The following EYA1 variants were observed in gnomAD, a reference collection of about 807,000 sequenced individuals.
The protein encoded by EYA1 is EYA transcriptional coactivator and phosphatase 1, also known as protein phosphatase EYA1.
In EYA1, 16 loss-of-function variants were observed where a neutral mutation model predicts 82.0. That is an observed-to-expected ratio of 0.20 (90% CI 0.13 to 0.30). EYA1 has a LOEUF of 0.30. Among genes scored for constraint, EYA1 ranks in the 10% least tolerant of loss-of-function variants. The pLI is 1.00. For synonymous variants in EYA1, 261 were observed against 264.4 expected (o/e 0.99, Z 0.12); for missense variants, 633 against 730.7 (o/e 0.87, Z 1.54).
Position 71,269,956 on chromosome 8 carries a change from A to C in EYA1, c.967-133T>G, listed in dbSNP as rs116355446. The C allele has an allele frequency of 1.4e-3, 1,044 of 734,066 alleles. 13 individuals are homozygous for C. In the African/African-American group the frequency reaches 0.016, roughly 11 times the overall value. The allele number at this position is 734,066 out of a possible 1,614,324, so 45.5% of individuals were successfully genotyped here. On this transcript the variant is annotated intron_variant, in intron 10 of 17. Coordinates refer to ENST00000340726, the MANE Select transcript of EYA1 (RefSeq NM_000503.6). ...ATCTGAATTTATTATTTCAAAAAAA[A>C]CACAACTGTTTCAAAGAGTATCTCC...
chr8:71,244,136 G>A (rs746487555), intron 12 of EYA1, among the ~76,000 whole-genome samples: 35 of 152,192 alleles, frequency 2.3e-4, no homozygotes, highest in Non-Finnish European at 4.3e-4. Flanking sequence ...GACATAAGCA[G>A]TCCTGGCAAC....
intron 12 of EYA1, among the ~76,000 whole-genome samples, chr8:71,234,140 G>A (rs111758878): frequency 0.052 from 7,892 of 152,220 alleles, 646 homozygotes; most frequent in African/African-American, 0.18. Context: ...CCTGTGCTCC[G>A]GATTTCATTC....
At chr8:71,293,176 T>C (rs1819193529) in intron 9 of EYA1, among the ~76,000 whole-genome samples, 1 of 152,050 alleles carries the variant, frequency 6.6e-6, no homozygotes, top group African/African-American at 2.4e-5. Flanking sequence ...ATCCACAAAT[T>C]AGACAAAGTT....
chr8:71,489,433 T>C (rs900026986), intron 2 of EYA1, among the ~76,000 whole-genome samples: 4 of 152,194 alleles, frequency 2.6e-5, no homozygotes, highest in East Asian at 3.8e-4. Context: ...AATCAATAGA[T>C]AAAAATAAAT....
chr8:71,394,967 T>C (rs1401296746), intron 2 of EYA1, among the ~76,000 whole-genome samples: 2 of 152,188 alleles, frequency 1.3e-5, no homozygotes, highest in East Asian at 1.9e-4. Context: ...TTTTATTTCG[T>C]TGAGCAGTGG....
chr8:71,535,471 TTA>T (rs1342025092), intron 2 of EYA1, among the ~76,000 whole-genome samples: 1 of 152,218 alleles, frequency 6.6e-6, no homozygotes, highest in Non-Finnish European at 1.5e-5. Flanking sequence ...AAAAATTATC[TTA>T]TGCATATTGG....
chr8:71,328,017 G>A (rs891634655), intron 4 of EYA1, among the ~76,000 whole-genome samples: 12 of 151,742 alleles, frequency 7.9e-5, no homozygotes, highest in African/African-American at 2.7e-4. Context: ...CACCATGCCC[G>A]GCTAATTTTT....
chr8:71,219,808 T>A (rs558866316), intron 12 of EYA1, among the ~76,000 whole-genome samples: 1 of 152,328 alleles, frequency 6.6e-6, no homozygotes, highest in East Asian at 1.9e-4. Flanking sequence ...TCCCATCAGA[T>A]ATCCTGAAAC....
At chr8:71,529,537 G>T (rs1586893420) in intron 2 of EYA1, 1 of 152,152 alleles carries the variant, frequency 6.6e-6, no homozygotes, top group African/African-American at 2.4e-5. Flanking sequence ...GTGCTTCAAT[G>T]ATCTCAAAAT....
chr8:71,320,900 TATCA>T (rs1822464235), intron 6 of EYA1, among the ~76,000 whole-genome samples: 1 of 152,176 alleles, frequency 6.6e-6, no homozygotes, highest in South Asian at 2.1e-4. Flanking sequence ...TTACTTATTC[TATCA>T]ATCCTTTCCT....
chr8:71,490,168 A>C (rs1451630238), intron 2 of EYA1, among the ~76,000 whole-genome samples: 1 of 152,246 alleles, frequency 6.6e-6, no homozygotes, highest in East Asian at 1.9e-4. Flanking sequence ...TTTTGACAAC[A>C]TCTTGCAGTT....
At chr8:71,473,676 T>C (rs553705072) in intron 2 of EYA1, among the ~76,000 whole-genome samples, 2 of 152,250 alleles carry the variant, frequency 1.3e-5, no homozygotes, top group Non-Finnish European at 1.5e-5. Context: ...GAAATATCAA[T>C]TGACCCATCA....
intron 11 of EYA1, among the ~76,000 whole-genome samples, chr8:71,265,237 C>A (rs1160077318): frequency 6.6e-6 from 1 of 151,818 alleles, no homozygotes; most frequent in Non-Finnish European, 1.5e-5. Flanking sequence ...TTTTTTTATG[C>A]TAGACATGGT....
chr8:71,279,568 T>A (rs973635231), intron 9 of EYA1, among the ~76,000 whole-genome samples: 1 of 152,242 alleles, frequency 6.6e-6, no homozygotes, highest in African/African-American at 2.4e-5. Context: ...TTTTTGGTTA[T>A]GATTTTGAAA....
chr8:71,444,982 G>T (rs992901442), intron 2 of EYA1, among the ~76,000 whole-genome samples: 1 of 152,196 alleles, frequency 6.6e-6, no homozygotes, highest in Non-Finnish European at 1.5e-5. Flanking sequence ...AAATTGGAGA[G>T]AAGTGGAACT....
At chr8:71,309,093 T>G in intron 7 of EYA1, among the ~76,000 whole-genome samples, 1 of 152,176 alleles carries the variant, frequency 6.6e-6, no homozygotes, top group Non-Finnish European at 1.5e-5. Context: ...AATGACCAAG[T>G]TTTCCTTTTT....
At chr8:71,257,394 C>A (rs1018194617) in intron 11 of EYA1, among the ~76,000 whole-genome samples, 2 of 152,090 alleles carry the variant, frequency 1.3e-5, no homozygotes, top group African/African-American at 4.8e-5. Context: ...AAAATATTCA[C>A]TAAGACAAGA....
At position 71,303,289 on chromosome 8, in the gene EYA1, T is replaced by G. The variant is rs183049706; in HGVS notation, c.557-3569A>C. On this transcript the variant is annotated intron_variant, in intron 7 of 17. Transcript: ENST00000340726. ...CATGATATATGTGTGTGTTTATCAATCTCTGTGATGTACGTACATTTGATA... is the reference window on the plus strand; with the variant it reads ...CATGATATATGTGTGTGTTTATCAAGCTCTGTGATGTACGTACATTTGATA... 4.1e-5 allele frequency among the ~76,000 whole-genome samples: 5 copies of G among 122,756 alleles called. 1 individual carries two copies. The East Asian group carries it at 1.3e-3, about 31-fold the overall frequency. The allele number at this position is 122,756 out of a possible 152,430, so 80.5% of individuals were successfully genotyped here. A position where few individuals can be genotyped will look rare whatever the true frequency, so the allele number is the denominator to read the frequency against.
intron 12 of EYA1, among the ~76,000 whole-genome samples, chr8:71,231,072 AC>A (rs1416277243): frequency 1.3e-5 from 2 of 152,140 alleles, no homozygotes; most frequent in Non-Finnish European, 2.9e-5. Context: ...TTCTATCTCT[AC>A]CTTATTGCTC....
Sources: gnomAD v4.1 joint callset for allele counts (sites outside exome capture counted in the v4.1 genomes callset) on GRCh38, gnomAD v4.1.1 for gene constraint, MANE v1.5 for transcripts, NCBI Gene and HGNC (gene_info 2026-07-23, HGNC 2026-07-21) for gene names.